RPS6KC1: variants seen among roughly 807,000 people sequenced by gnomAD.
RPS6KC1 encodes inactive ribosomal protein S6 kinase delta-1.
RPS6KC1 carries 54 observed loss-of-function variants against 103.8 expected under a neutral mutation model. The ratio of observed to expected loss-of-function variants is 0.52; its 90% CI spans 0.42 to 0.65. RPS6KC1 has a LOEUF of 0.65. RPS6KC1 is among the 30% of genes least tolerant of loss of function. The pLI is 0.00. For synonymous variants in RPS6KC1, 439 were observed against 438.7 expected (o/e 1.00, Z -0.01); for missense variants, 1,151 against 1,253.8 (o/e 0.92, Z 1.24).
the RPS6KC1 span, among the ~76,000 whole-genome samples, chr1:213,497,383 A>AG: frequency 1.3e-5 from 2 of 152,022 alleles, no homozygotes; most frequent in Admixed American, 1.3e-4. Context: ...AAGGAAAAAA[A>AG]AAAACACTTG....
chr1:213,444,441 C>T, the RPS6KC1 span, among the ~76,000 whole-genome samples: 1 of 152,178 alleles, frequency 6.6e-6, no homozygotes, highest in Non-Finnish European at 1.5e-5. Flanking sequence ...CTGGGCTAAA[C>T]TGGAGTCTCC....
chr1:213,257,718 G>T lies in RPS6KC1; in HGVS notation c.2912-3840G>T, dbSNP rs17020352. On this transcript the variant is annotated intron_variant, in intron 12 of 14. Transcript: ENST00000366960. ...AGCATTATAAATGGAAAGTAAAGCT[G>T]GTTGGTGGCACATTCAAAACTGATG... Among the ~76,000 whole-genome samples, 1,074 of 149,456 alleles carry T rather than the reference G, an allele frequency of 7.2e-3. 15 individuals carry two copies. Among genetic ancestry groups the T allele is most frequent in the African/African-American group, 0.025 (1,018 of 40,772 alleles).
At chr1:213,441,537 C>T in the RPS6KC1 span, among the ~76,000 whole-genome samples, 1 of 152,198 alleles carries the variant, frequency 6.6e-6, no homozygotes, top group Non-Finnish European at 1.5e-5. Flanking sequence ...TTTTTAAAGA[C>T]TGAATAGTAT....
chr1:213,410,665 A>C, the RPS6KC1 span, among the ~76,000 whole-genome samples: 2 of 152,148 alleles, frequency 1.3e-5, no homozygotes, highest in Non-Finnish European at 2.9e-5. Flanking sequence ...GATGGATCCC[A>C]GTTCAGACTT....
At chr1:213,375,190 CAT>C in the RPS6KC1 span, among the ~76,000 whole-genome samples, 12 of 151,938 alleles carry the variant, frequency 7.9e-5, no homozygotes, top group East Asian at 1.7e-3. Context: ...CACACATGTA[CAT>C]ACACATATAC....
the RPS6KC1 span, among the ~76,000 whole-genome samples, chr1:213,706,263 T>C: frequency 2.6e-5 from 4 of 152,214 alleles, no homozygotes; most frequent in Non-Finnish European, 1.5e-5. Context: ...TAAGTTCTGA[T>C]TGCTGAGATT....
At chr1:213,379,066 G>A in the RPS6KC1 span, among the ~76,000 whole-genome samples, 1 of 152,170 alleles carries the variant, frequency 6.6e-6, no homozygotes, top group Admixed American at 6.5e-5. Flanking sequence ...TGGTCCTATT[G>A]TTGTCTAACT....
In RPS6KC1 at chr1:213,061,476, A is replaced by C. The variant is rs532906156; in HGVS notation, c.106-9530A>C. Among the ~76,000 whole-genome samples the C allele has an allele frequency of 9.2e-4, 140 of 152,206 alleles. No individual in the cohort carries two copies. The Middle Eastern group carries it at 0.017, about 18-fold the overall frequency. On this transcript the variant is annotated intron_variant, in intron 1 of 14. Coordinates refer to ENST00000366960, the MANE Select transcript of RPS6KC1 (RefSeq NM_012424.6). ...TGCCACCTGTGGCTCTGCAGGGAAG[A>C]GCGGGAGAGAAGAACTCAGGTGCAG...
At chr1:213,212,855 T>C (rs760227410) in intron 8 of RPS6KC1, among the ~76,000 whole-genome samples, 2 of 152,236 alleles carry the variant, frequency 1.3e-5, no homozygotes, top group Non-Finnish European at 2.9e-5. Flanking sequence ...TTTTATATGC[T>C]TATTTGCCAT....
chr1:213,141,141 T>A (rs1164416399), intron 6 of RPS6KC1, among the ~76,000 whole-genome samples: 1 of 152,022 alleles, frequency 6.6e-6, no homozygotes, highest in Non-Finnish European at 1.5e-5. Flanking sequence ...AGGTGATCTG[T>A]CCGCCTTAGC....
chr1:213,494,708 G>A, the RPS6KC1 span, among the ~76,000 whole-genome samples: 3 of 151,978 alleles, frequency 2.0e-5, no homozygotes, highest in African/African-American at 4.8e-5. Flanking sequence ...AGTAATTGGT[G>A]CCTTTGAAGT....
intron 8 of RPS6KC1, among the ~76,000 whole-genome samples, chr1:213,220,996 G>T (rs1420389260): frequency 6.6e-6 from 1 of 152,016 alleles, no homozygotes; most frequent in African/African-American, 2.4e-5. Context: ...CTCATGTTAT[G>T]TTTGAAGTAT....
At chr1:213,544,540 C>T in the RPS6KC1 span, among the ~76,000 whole-genome samples, 2 of 152,170 alleles carry the variant, frequency 1.3e-5, 1 homozygote, top group South Asian at 4.2e-4. Context: ...CTTCCGTGGC[C>T]CCTCTGTGTG....
chr1:213,341,379 A>G, the RPS6KC1 span, among the ~76,000 whole-genome samples: 3 of 152,172 alleles, frequency 2.0e-5, no homozygotes, highest in South Asian at 6.2e-4. Context: ...CTACTGCCCT[A>G]CTTATAAAAT....
chr1:213,145,506 G>A (rs577559119), intron 6 of RPS6KC1, among the ~76,000 whole-genome samples: 1 of 152,164 alleles, frequency 6.6e-6, no homozygotes, highest in South Asian at 2.1e-4. Flanking sequence ...ATGCTGTGGG[G>A]AAACTACTCG....
At chr1:213,067,489 A>G (rs940669959) in intron 1 of RPS6KC1, among the ~76,000 whole-genome samples, 3 of 152,232 alleles carry the variant, frequency 2.0e-5, no homozygotes, top group African/African-American at 7.2e-5. Context: ...GCCTTACATC[A>G]CTAAACCATG....
chr1:213,513,193 A>G, the RPS6KC1 span, among the ~76,000 whole-genome samples: 1 of 152,166 alleles, frequency 6.6e-6, no homozygotes, highest in Non-Finnish European at 1.5e-5. Context: ...GAGGAGGGCC[A>G]TGAGCCAAGG....
chr1:213,660,416 TG>T, the RPS6KC1 span, among the ~76,000 whole-genome samples: 1 of 152,214 alleles, frequency 6.6e-6, no homozygotes, highest in African/African-American at 2.4e-5. Context: ...GGAAAGGCAG[TG>T]ATATGCTTCA....
At chr1:213,112,048 A>G (rs2083077280) in intron 4 of RPS6KC1, among the ~76,000 whole-genome samples, 1 of 152,188 alleles carries the variant, frequency 6.6e-6, no homozygotes, top group South Asian at 2.1e-4. Flanking sequence ...GACCATTTCA[A>G]ATTTCTGTTC....
Sources: allele counts gnomAD v4.1 joint callset (sites outside exome capture counted in the v4.1 genomes callset), GRCh38; gene constraint gnomAD v4.1.1; transcripts MANE v1.5; gene names NCBI Gene and HGNC (gene_info 2026-07-23, HGNC 2026-07-21).